The following GMDS variants were observed in gnomAD, a reference collection of about 807,000 sequenced individuals.
GMDS encodes GDP-mannose 4,6 dehydratase.
A neutral mutation model predicts 49.9 loss-of-function variants in GMDS; 20 were observed. The ratio of observed to expected loss-of-function variants is 0.40; its 90% confidence interval spans 0.28 to 0.58. The LOEUF (loss-of-function observed/expected upper bound fraction) is 0.58. GMDS is among the 20% of genes least tolerant of loss of function. GMDS has a pLI of 0.42. For synonymous variants in GMDS, 177 were observed against 178.6 expected, an observed-to-expected ratio of 0.99 and a Z score of 0.07; for missense variants, 362 against 481.4, an observed-to-expected ratio of 0.75 and a Z score of 2.32.
intron 6 of GMDS, among the ~76,000 whole-genome samples, chr6:1,934,239 T>A (rs150491126): frequency 8.9e-4 from 136 of 152,370 alleles, no homozygotes; most frequent in African/African-American, 3.1e-3. Context: ...ACTTACTCTA[T>A]GTCTATCCTT....
chr6:2,198,655 T>C (rs1287654066), intron 1 of GMDS, among the ~76,000 whole-genome samples: 1 of 152,144 alleles, frequency 6.6e-6, no homozygotes, highest in Non-Finnish European at 1.5e-5. Context: ...CTACGAGGTA[T>C]TTTACAAAAT....
At chr6:2,152,493 AT>A in intron 1 of GMDS, among the ~76,000 whole-genome samples, 1 of 152,270 alleles carries the variant, frequency 6.6e-6, no homozygotes, top group African/African-American at 2.4e-5. Flanking sequence ...CTGGGAGGAA[AT>A]ATCCTATTTA....
chr6:2,239,933 A>G (rs1330173472), intron 1 of GMDS, among the ~76,000 whole-genome samples: 1 of 152,128 alleles, frequency 6.6e-6, no homozygotes, highest in African/African-American at 2.4e-5. Flanking sequence ...TGATCCAGAG[A>G]TTTGGGAGGC....
intron 8 of GMDS, among the ~76,000 whole-genome samples, chr6:1,734,303 T>C (rs754829895): frequency 6.6e-6 from 1 of 152,252 alleles, no homozygotes; most frequent in Non-Finnish European, 1.5e-5. Flanking sequence ...AAATCCATTA[T>C]ACAGCTGTTC....
chr6:1,661,650 G>GA (rs753722502), intron 9 of GMDS, among the ~76,000 whole-genome samples: 15 of 152,230 alleles, frequency 9.9e-5, no homozygotes, highest in Non-Finnish European at 1.3e-4. Context: ...GAGATCTGCT[G>GA]ACAGGCTGTC....
At chr6:2,204,186 C>T (rs1374237459) in intron 1 of GMDS, among the ~76,000 whole-genome samples, 1 of 152,086 alleles carries the variant, frequency 6.6e-6, no homozygotes, top group Admixed American at 6.5e-5. Flanking sequence ...GGTCTGTGAT[C>T]GGGTCATTTT....
Position 1,768,958 on chromosome 6 carries a change from T to G in GMDS, c.772-26372A>C, listed in dbSNP as rs150841769. 2.3e-4 allele frequency among the ~76,000 whole-genome samples: 35 copies of G among 152,298 alleles called. No individual in the cohort carries two copies. In the East Asian group the frequency reaches 6.4e-3, roughly 28 times the overall value. On this transcript the variant is annotated intron_variant, in intron 7 of 10. Transcript: ENST00000380815. Reference sequence around the variant, plus strand: ...AGTTCCTTTTAATATTCCTTCAATATTGTAAGAGATAAAAGATACAGAATA... The same window carrying G: ...AGTTCCTTTTAATATTCCTTCAATAGTGTAAGAGATAAAAGATACAGAATA...
chr6:2,086,739 C>A (rs1773037477), intron 4 of GMDS, among the ~76,000 whole-genome samples: 2 of 152,336 alleles, frequency 1.3e-5, no homozygotes, highest in South Asian at 2.1e-4. Flanking sequence ...GAGAATAACA[C>A]AATGAAGAGG....
chr6:2,101,182 C>T (rs556390959), intron 4 of GMDS, among the ~76,000 whole-genome samples: 273 of 151,554 alleles, frequency 1.8e-3, no homozygotes, highest in African/African-American at 6.4e-3. Context: ...AACTAAAAAT[C>T]TCTGACCAGA....
chr6:2,237,502 G>C (rs955647613), intron 1 of GMDS, among the ~76,000 whole-genome samples: 1 of 150,464 alleles, frequency 6.6e-6, no homozygotes, highest in Non-Finnish European at 1.5e-5. Context: ...ATTGTAAATT[G>C]GAAGTTTGGA....
At chr6:2,115,644 AAC>A in intron 4 of GMDS, 125 bp downstream of exon 4, 2 of 658,580 alleles carry the variant, frequency 3.0e-6, no homozygotes, top group Non-Finnish European at 5.5e-6. Context: ...TACTTAAACT[AAC>A]ACTGACAATT....
intron 4 of GMDS, among the ~76,000 whole-genome samples, chr6:2,106,073 TTTAAA>T (rs1774225919): frequency 6.6e-6 from 1 of 152,242 alleles, no homozygotes; most frequent in South Asian, 2.1e-4. Context: ...TGGATTACAC[TTTAAA>T]TTAACATTTC....
intron 1 of GMDS, among the ~76,000 whole-genome samples, chr6:2,175,415 G>A (rs183881921): frequency 2.4e-4 from 36 of 152,260 alleles, no homozygotes; most frequent in African/African-American, 7.5e-4. Context: ...ATGCCACCTC[G>A]GACTTGAGGT....
chr6:1,949,473 C>T (rs1381456262), intron 6 of GMDS, among the ~76,000 whole-genome samples: 2 of 152,220 alleles, frequency 1.3e-5, no homozygotes, highest in Admixed American at 1.3e-4. Context: ...AAAACAACCC[C>T]TTGAATTCAA....
chr6:1,892,805 T>A (rs916375210), intron 7 of GMDS, among the ~76,000 whole-genome samples: 1 of 152,260 alleles, frequency 6.6e-6, no homozygotes, highest in African/African-American at 2.4e-5. Context: ...GCTGTGTCAA[T>A]GGAACAGCCA....
At chr6:2,227,734 G>A (rs144655905) in intron 1 of GMDS, among the ~76,000 whole-genome samples, 102 of 152,278 alleles carry the variant, frequency 6.7e-4, no homozygotes, top group Non-Finnish European at 9.4e-4. Context: ...GCCACACAGA[G>A]GTCCCCTGGG....
At position 1,857,383 on chromosome 6, in the gene GMDS, C is replaced by T. The variant is rs13437479; in HGVS notation, c.771+72720G>A. On this transcript the variant is annotated intron_variant, in intron 7 of 10. Transcript: ENST00000380815. ...AACCATGAATAAGGCTGGGGACATA[C>T]GGAGACAGCAGCCTCTGTGGTGTGT... Among the ~76,000 whole-genome samples, 608 of 152,274 alleles carry T rather than the reference C, an allele frequency of 4.0e-3. 7 individuals carry two copies. Among genetic ancestry groups the T allele is most frequent in the African/African-American group, 0.014 (568 of 41,538 alleles).
chr6:1,908,045 G>A (rs1760865826), intron 7 of GMDS, among the ~76,000 whole-genome samples: 1 of 152,066 alleles, frequency 6.6e-6, no homozygotes, highest in South Asian at 2.1e-4. Flanking sequence ...TGCACCATGG[G>A]GCCATTATTA....
chr6:1,724,387 G>C (rs1387799847), intron 9 of GMDS, among the ~76,000 whole-genome samples: 3 of 152,154 alleles, frequency 2.0e-5, no homozygotes, highest in Admixed American at 6.5e-5. Flanking sequence ...GCGGATTCAA[G>C]AACAGTCTTG....
Sources: allele counts gnomAD v4.1 joint callset (sites outside exome capture counted in the v4.1 genomes callset), GRCh38; gene constraint gnomAD v4.1.1; transcripts MANE v1.5; gene names NCBI Gene and HGNC (gene_info 2026-07-23, HGNC 2026-07-21).